The following TMEM179B variants were observed in gnomAD, a reference collection of about 807,000 sequenced individuals.
TMEM179B encodes transmembrane protein 179B.
Under a neutral mutation model 18.0 loss-of-function variants are expected in TMEM179B, and 13 were observed. The ratio of observed to expected loss-of-function variants is 0.72; its 90% confidence interval spans 0.47 to 1.15. The LOEUF (loss-of-function observed/expected upper bound fraction) is 1.15, where lower values mean the gene tolerates loss of function less well. Ranked by LOEUF, TMEM179B falls within the 50% of genes most tolerant of loss-of-function variation. The pLI is 0.00. For missense variants in TMEM179B, 320 were observed against 270.6 expected, an observed-to-expected ratio of 1.18 and a Z score of -1.28; for synonymous variants, 159 against 117.5, an observed-to-expected ratio of 1.35 and a Z score of -2.29.
intron 1 of TMEM179B, among the ~76,000 whole-genome samples, 181 bp from the exon 2 acceptor site, chr11:62,788,842 C>T (rs780492327): frequency 4.9e-4 from 74 of 152,174 alleles, no homozygotes; most frequent in African/African-American, 1.7e-3. Context: ...TGGCCACTGC[C>T]GGTGTGATTC....
rs148394346 is a variant in TMEM179B, at chr11:62,790,057, G to A, written c.*10G>A. ...CCTTTCCCATTCCTGAAGAATAAGC[G>A]GAGTGCTTCCTGCAGCCGAAGACTC... is the stretch of plus-strand genomic sequence containing the variant. On this transcript the variant is annotated 3_prime_UTR_variant, in exon 5 of 5. Transcript: ENST00000333449. 111 of 1,600,242 alleles carry A rather than the reference G, an allele frequency of 6.9e-5. No individual in the cohort carries two copies. The Admixed American group carries it at 1.7e-3, about 25-fold the overall frequency.
intron 1 of TMEM179B, 152 bp downstream of exon 1, chr11:62,787,679 G>A: frequency 2.0e-6 from 2 of 1,014,924 alleles, no homozygotes; most frequent in South Asian, 1.7e-5. Flanking sequence ...GAAATGCAGC[G>A]AGGCTAATCG....
chr11:62,788,640 C>T (rs1311109993), intron 1 of TMEM179B, among the ~76,000 whole-genome samples: 1 of 141,102 alleles, frequency 7.1e-6, no homozygotes. Context: ...GAAGGCAGAG[C>T]GTGCAGTGAG....
At chr11:62,789,237 G>T in intron 2 of TMEM179B, 27 bp downstream of exon 2, 1 of 1,613,874 alleles carries the variant, frequency 6.2e-7, no homozygotes. Flanking sequence ...GAGGGCCAGG[G>T]GCTGAGGTAG....
intron 1 of TMEM179B, among the ~76,000 whole-genome samples, chr11:62,788,326 C>T (rs1486997520): frequency 6.6e-6 from 1 of 152,058 alleles, no homozygotes; most frequent in Non-Finnish European, 1.5e-5. Context: ...TCGCTTGAAC[C>T]TGGGAGGCGG....
At chr11:62,789,792 G>A (rs1709366084) in intron 4 of TMEM179B, 94 bp from the exon 5 acceptor site, 6 of 1,538,070 alleles carry the variant, frequency 3.9e-6, no homozygotes, top group Non-Finnish European at 5.3e-6. Flanking sequence ...GGGGTTGTCA[G>A]CTTAAAATTC....
chr11:62,788,292 A>G (rs757512418), intron 1 of TMEM179B, among the ~76,000 whole-genome samples: 1 of 152,120 alleles, frequency 6.6e-6, no homozygotes, highest in Non-Finnish European at 1.5e-5. Context: ...AATCCCAGCT[A>G]CTTCGGAGGC....
At chr11:62,787,569 C>A in intron 1 of TMEM179B, 42 bp downstream of exon 1, 3 of 1,495,912 alleles carry the variant, frequency 2.0e-6, no homozygotes, top group Non-Finnish European at 2.7e-6. Context: ...GGGAGCTGGC[C>A]GGTCTGGACA....
chr11:62,787,767 A>G (rs1363092135), intron 1 of TMEM179B: 1 of 686,498 alleles, frequency 1.5e-6, no homozygotes, highest in Non-Finnish European at 2.6e-6. Context: ...AGCGTCTTAA[A>G]GCACTAGGTG....
Position 62,787,491 on chromosome 11 carries a change from CG to C in TMEM179B, c.64del (p.Ala22ProfsTer7). 2 of 1,579,844 alleles carry C rather than the reference CG, an allele frequency of 1.3e-6. No individual in the cohort carries two copies. The highest frequency in any genetic ancestry group is 1.1e-5 in the South Asian group (1 of 88,838). On this transcript the variant is annotated frameshift_variant, in exon 1 of 5. Coordinates refer to ENST00000333449, the MANE Select transcript of TMEM179B (RefSeq NM_199337.3). LOFTEE classifies it high-confidence loss of function. ...CGCTCTTTGCTGCCGCCTTCCTGTGCGGGGCCGTGGCGGCCGCGGCGATGAC... is the reference window on the plus strand; with the variant it reads ...CGCTCTTTGCTGCCGCCTTCCTGTGCGGGCCGTGGCGGCCGCGGCGATGAC... ...LALFAAAFLC[G>X]AVAAAAMTRT...
At position 62,787,779 on chromosome 11, in the gene TMEM179B, A is replaced by G; in HGVS notation, c.96+252A>G. ...AGTAGCGTCTTAAAGCACTAGGTGG[A>G]GTCGGGTTTCGTGGCTCCTGCTGCA... On this transcript the variant is annotated intron_variant, in intron 1 of 4. Transcript: ENST00000333449. 5.8e-6 allele frequency: 4 copies of G among 684,448 alleles called. No homozygotes were observed. The South Asian group carries it at 6.1e-5, about 10-fold the overall frequency. The allele number at this position is 684,448 out of a possible 1,614,324, so 42.4% of individuals were successfully genotyped here.
intron 1 of TMEM179B, among the ~76,000 whole-genome samples, chr11:62,788,524 G>A (rs1219328547): frequency 6.6e-6 from 1 of 151,836 alleles, no homozygotes; most frequent in Non-Finnish European, 1.5e-5. Flanking sequence ...CCAACACGGT[G>A]AAACCCTGTC....
intron 1 of TMEM179B, among the ~76,000 whole-genome samples, chr11:62,788,594 C>T (rs566795399): frequency 4.0e-4 from 60 of 150,848 alleles, no homozygotes; most frequent in African/African-American, 1.5e-3. Flanking sequence ...GTCCCAGCTA[C>T]TCAGGAGGCT....
At position 62,790,353 on chromosome 11, in the gene TMEM179B, TG is replaced by T. The variant is rs2084345641; in HGVS notation, c.*307del. 5.5e-6 allele frequency: 3 copies of T among 546,842 alleles called. No individual in the cohort carries two copies. The African/African-American group carries it at 5.7e-5, about 10-fold the overall frequency. The allele number at this position is 546,842 out of a possible 1,614,324, so 33.9% of individuals were successfully genotyped here. ...TACTGTTAGGCAGCTGCCCTAGGGA[TG>T]ACTGCTCCTTTATTTGTTGTTAATG... is the stretch of plus-strand genomic sequence containing the variant. On this transcript the variant is annotated 3_prime_UTR_variant, in exon 5 of 5. Coordinates refer to ENST00000333449, the MANE Select transcript of TMEM179B (RefSeq NM_199337.3).
Position 62,789,560 on chromosome 11 carries a change from A to C in TMEM179B, c.420-41A>C, listed in dbSNP as rs770374395. 1.9e-6 allele frequency: 3 copies of C among 1,554,744 alleles called. No individual in the cohort carries two copies. In the African/African-American group the frequency reaches 4.1e-5, roughly 21 times the overall value. On this transcript the variant is annotated intron_variant, in intron 3 of 4. Coordinates refer to ENST00000333449, the MANE Select transcript of TMEM179B (RefSeq NM_199337.3). ...TGGGCACAGGTGTGCCTCGGATATA[A>C]ACTATCACGCTTTCTCACAACTGTC...
intron 1 of TMEM179B, among the ~76,000 whole-genome samples, chr11:62,788,676 C>CAA (rs5792270): frequency 0.011 from 1,341 of 122,222 alleles, 22 homozygotes; most frequent in East Asian, 0.057. Flanking sequence ...TGCACTCCAG[C>CAA]AAAAAAAAAA....
chr11:62,790,052 T>C lies in TMEM179B; in HGVS notation c.*5T>C, dbSNP rs372003115. 6 of 1,604,134 alleles carry C rather than the reference T, an allele frequency of 3.7e-6. No homozygotes were observed. The highest frequency in any genetic ancestry group is 3.4e-6 in the Non-Finnish European group (4 of 1,174,682). On this transcript the variant is annotated 3_prime_UTR_variant, in exon 5 of 5. Coordinates refer to ENST00000333449, the MANE Select transcript of TMEM179B (RefSeq NM_199337.3). ...TCACGCCTTTCCCATTCCTGAAGAATAAGCGGAGTGCTTCCTGCAGCCGAA... is the reference window on the plus strand; with the variant it reads ...TCACGCCTTTCCCATTCCTGAAGAACAAGCGGAGTGCTTCCTGCAGCCGAA...
intron 1 of TMEM179B, 145 bp from the exon 2 acceptor site, chr11:62,788,878 C>T: frequency 1.1e-6 from 1 of 905,526 alleles, no homozygotes; most frequent in East Asian, 2.5e-5. Flanking sequence ...CCATCAATAT[C>T]CCTGTCCCAG....
intron 3 of TMEM179B, 77 bp from the exon 4 acceptor site, chr11:62,789,524 T>C (rs1240639093): frequency 2.5e-6 from 4 of 1,587,134 alleles, no homozygotes; most frequent in Non-Finnish European, 3.4e-6. Context: ...TGCTCTCAAC[T>C]CACAGGGCAC....
Sources: gnomAD v4.1 joint callset for allele counts (sites outside exome capture counted in the v4.1 genomes callset) on GRCh38, gnomAD v4.1.1 for gene constraint, MANE v1.5 for transcripts, NCBI Gene and HGNC (gene_info 2026-07-23, HGNC 2026-07-21) for gene names.